The following PTPRT variants were observed in gnomAD, a reference collection of about 807,000 sequenced individuals.
PTPRT encodes the protein protein tyrosine phosphatase receptor type T.
Under a neutral mutation model 176.8 loss-of-function variants are expected in PTPRT, and 56 were observed. The ratio of observed to expected loss-of-function variants is 0.32; its 90% CI spans 0.26 to 0.40. The LOEUF is 0.40. Ranked by LOEUF, PTPRT falls within the 10% of genes least tolerant of loss-of-function variation. The pLI is 1.00. For synonymous variants in PTPRT, 783 were observed against 739.0 expected, an observed-to-expected ratio of 1.06 and a Z score of -0.96; for missense variants, 1,540 against 1,908.2, an observed-to-expected ratio of 0.81 and a Z score of 3.60.
At chr20:42,885,206 A>G (rs2079083029) in intron 2 of PTPRT, among the ~76,000 whole-genome samples, 1 of 147,440 alleles carries the variant, frequency 6.8e-6, no homozygotes, top group African/African-American at 2.5e-5. Context: ...CTGTGGAAGT[A>G]TCCCTAAATA....
chr20:42,593,350 A>C (rs1413971919), intron 7 of PTPRT, among the ~76,000 whole-genome samples: 1 of 151,828 alleles, frequency 6.6e-6, no homozygotes, highest in Non-Finnish European at 1.5e-5. Flanking sequence ...TCAGACACCC[A>C]CTCCTATTTC....
intron 2 of PTPRT, among the ~76,000 whole-genome samples, chr20:42,862,649 C>T (rs1005781570): frequency 2.0e-5 from 3 of 152,174 alleles, no homozygotes; most frequent in African/African-American, 7.2e-5. Flanking sequence ...CACAGCTTTT[C>T]GTTTGGAAAA....
intron 15 of PTPRT, among the ~76,000 whole-genome samples, chr20:42,200,410 C>T (rs1984486): frequency 0.15 from 22,922 of 152,158 alleles, 1,973 homozygotes; most frequent in East Asian, 0.32. Flanking sequence ...CTAGCAGTTG[C>T]TATTCTTGTT....
intron 9 of PTPRT, among the ~76,000 whole-genome samples, chr20:42,404,594 G>T (rs554588855): frequency 1.3e-5 from 2 of 152,154 alleles, no homozygotes; most frequent in African/African-American, 4.8e-5. Flanking sequence ...AGGCCATTCT[G>T]CTCTCTTGGC....
intron 12 of PTPRT, among the ~76,000 whole-genome samples, chr20:42,307,964 G>A (rs1331002721): frequency 4.6e-5 from 7 of 152,106 alleles, no homozygotes; most frequent in Admixed American, 4.6e-4. Context: ...CATTATATGC[G>A]AATTATAATG....
At chr20:42,789,592 C>T (rs1200701655) in intron 3 of PTPRT, among the ~76,000 whole-genome samples, 1 of 152,158 alleles carries the variant, frequency 6.6e-6, no homozygotes, top group East Asian at 1.9e-4. Flanking sequence ...ACATGATAAA[C>T]ACCCAATGAA....
intron 9 of PTPRT, among the ~76,000 whole-genome samples, chr20:42,403,786 T>C (rs2058933595): frequency 6.6e-6 from 1 of 152,148 alleles, no homozygotes; most frequent in Admixed American, 6.5e-5. Flanking sequence ...GTGATGGTTC[T>C]GACTTTCTAA....
chr20:42,057,791 C>T, the PTPRT span, among the ~76,000 whole-genome samples: 1 of 152,044 alleles, frequency 6.6e-6, no homozygotes, highest in Non-Finnish European at 1.5e-5. Context: ...GTTGCCCAGG[C>T]TGATCTCAAA....
chr20:42,608,805 A>C (rs2073926728), intron 7 of PTPRT, among the ~76,000 whole-genome samples: 2 of 152,184 alleles, frequency 1.3e-5, no homozygotes, highest in African/African-American at 4.8e-5. Flanking sequence ...GAAGATCTTC[A>C]AGGGAACAAG....
At chr20:42,442,859 T>A (rs1352219782) in intron 9 of PTPRT, among the ~76,000 whole-genome samples, 1 of 152,220 alleles carries the variant, frequency 6.6e-6, no homozygotes, top group Non-Finnish European at 1.5e-5. Flanking sequence ...CTTCCCTTGG[T>A]GACCTCATTC....
At position 42,517,332 on chromosome 20, in the gene PTPRT, A is replaced by G. The variant is rs146775050; in HGVS notation, c.1154-44770T>C. 7.6e-3 allele frequency among the ~76,000 whole-genome samples: 1,160 copies of G among 152,054 alleles called. 12 individuals are homozygous for G. Among genetic ancestry groups the G allele is most frequent in the African/African-American group, 0.026 (1,097 of 41,514 alleles). ...TAGAGATTATAATATTATCTTTTAC[A>G]TCACTGATGCATTTATAATCGTATT... On this transcript the variant is annotated intron_variant, in intron 7 of 30. Coordinates refer to ENST00000373187, the MANE Select transcript of PTPRT (RefSeq NM_007050.6).
rs145172302 is a variant in PTPRT, at chr20:42,371,527, C to T, written c.1561-19242G>A. ...TAATATTTTCCACTCAGACAAGACT[C>T]TAAGCAACACACACAAAAGGGCCAT... On this transcript the variant is annotated intron_variant, in intron 9 of 30. Transcript: ENST00000373187. Among the ~76,000 whole-genome samples, 1,241 of 152,338 alleles carry T rather than the reference C, an allele frequency of 8.1e-3. 20 individuals are homozygous for T. The highest frequency in any genetic ancestry group is 0.029 in the African/African-American group (1,190 of 41,566).
chr20:42,210,858 A>G (rs1406409768), intron 15 of PTPRT, among the ~76,000 whole-genome samples: 1 of 152,160 alleles, frequency 6.6e-6, no homozygotes, highest in African/African-American at 2.4e-5. Context: ...ACCCAAAAGA[A>G]CAAAGCTGGA....
intron 1 of PTPRT, among the ~76,000 whole-genome samples, chr20:42,964,569 C>T (rs187707064): frequency 2.3e-4 from 35 of 152,208 alleles, no homozygotes; most frequent in Admixed American, 5.9e-4. Flanking sequence ...TAATACAACT[C>T]TCTTTAAGTC....
At chr20:42,043,609 CTG>C in the PTPRT span, among the ~76,000 whole-genome samples, 1 of 152,180 alleles carries the variant, frequency 6.6e-6, no homozygotes, top group African/African-American at 2.4e-5. Context: ...TCTTGAGTGA[CTG>C]TGTGGAGCAG....
rs1256875264 is a variant in PTPRT at position 42,207,388 on chromosome 20, C to T, written c.2343-8000G>A. Among the ~76,000 whole-genome samples the T allele has an allele frequency of 1.5e-4, 21 of 137,192 alleles. No homozygotes were observed. The Admixed American group carries it at 1.6e-3, about 10-fold the overall frequency. 90.0% of individuals were successfully genotyped at this position (137,192 alleles called of 152,430 possible). A position where few individuals can be genotyped will look rare whatever the true frequency, so the allele number is the denominator to read the frequency against. On this transcript the variant is annotated intron_variant, in intron 15 of 30. Coordinates refer to ENST00000373187, the MANE Select transcript of PTPRT (RefSeq NM_007050.6). ...AAACCAAAGGCAAAGAAGTTGAAAA[C>T]TTTGAAAAAAATTTAGAAGAATGTA...
chr20:42,900,056 T>TA (rs1164283363), intron 1 of PTPRT, among the ~76,000 whole-genome samples: 5 of 152,200 alleles, frequency 3.3e-5, no homozygotes, highest in African/African-American at 1.2e-4. Flanking sequence ...AAGAGTTAAA[T>TA]AACATCACCC....
intron 1 of PTPRT, among the ~76,000 whole-genome samples, chr20:42,985,932 A>C (rs776192338): frequency 5.9e-4 from 90 of 152,188 alleles, no homozygotes; most frequent in Non-Finnish European, 1.3e-4. Flanking sequence ...AATGAGGGTA[A>C]GAGAAGCAGA....
At chr20:43,160,002 CA>C (rs11475762) in intron 1 of PTPRT, among the ~76,000 whole-genome samples, 85,588 of 136,444 alleles carry the variant, frequency 0.63, 27,920 homozygotes, top group South Asian at 0.78. Flanking sequence ...CTTCCCCCTG[CA>C]AAAAAAAAAA....
Sources: allele counts gnomAD v4.1 joint callset (sites outside exome capture counted in the v4.1 genomes callset), GRCh38; gene constraint gnomAD v4.1.1; transcripts MANE v1.5; gene names NCBI Gene and HGNC (gene_info 2026-07-23, HGNC 2026-07-21).